The following HHATL variants were observed in gnomAD, a reference collection of about 807,000 sequenced individuals.
The protein encoded by HHATL is protein-cysteine N-palmitoyltransferase HHAT-like protein.
HHATL carries 49 observed loss-of-function variants against 59.7 expected under a neutral mutation model. That is an observed-to-expected ratio of 0.82 (90% CI 0.65 to 1.04). HHATL has a LOEUF of 1.04. Among genes scored for constraint, HHATL ranks in the 50% least tolerant of loss-of-function variants. HHATL has a pLI of 0.00. For synonymous variants in HHATL, 238 were observed against 257.3 expected (o/e 0.93, Z 0.72); for missense variants, 605 against 650.8 (o/e 0.93, Z 0.77).
chr3:42,699,202 G>T (rs1430724096), intron 3 of HHATL, 57 bp from the exon 4 acceptor site: 1 of 1,244,904 alleles, frequency 8.0e-7, no homozygotes, highest in Non-Finnish European at 1.2e-6. Context: ...GAGGGGACAG[G>T]ACGAGCTGGA....
At position 42,699,129 on chromosome 3, in the gene HHATL, T is replaced by G. The variant is rs1274641589; in HGVS notation, c.191A>C (p.Glu64Ala). The G allele has an allele frequency of 1.2e-6, 2 of 1,613,764 alleles. No individual in the cohort carries two copies. The highest frequency in any genetic ancestry group is 1.7e-6 in the Non-Finnish European group (2 of 1,179,864). Reference protein sequence around the residue: ...IGRKMDVADFEWVMWFTSFRN... With the variant: ...IGRKMDVADFAWVMWFTSFRN... ...AAAGGAGGTGAACCACATCACCCAC[T>G]CGAAGTCAGCCACATCCTGGGGCAG... Residue 64 changes from glutamate to alanine, a missense_variant, in exon 4 of 12, where the codon GAG becomes GCG. Transcript: ENST00000441594.
intron 3 of HHATL, 47 bp from the exon 4 acceptor site, chr3:42,699,192 G>A (rs781031568): frequency 3.6e-6 from 5 of 1,385,512 alleles, no homozygotes; most frequent in African/African-American, 1.4e-5. Context: ...GAGGGTGGGA[G>A]AGGGGACAGG....
At chr3:42,695,539 G>A (rs1340272492) in intron 9 of HHATL, among the ~76,000 whole-genome samples, 2 of 152,098 alleles carry the variant, frequency 1.3e-5, no homozygotes, top group Admixed American at 6.6e-5. Flanking sequence ...CTTCTCCCTT[G>A]CTCTGCAAGG....
At chr3:42,693,048 T>C in intron 11 of HHATL, 29 bp downstream of exon 11, 1 of 1,613,068 alleles carries the variant, frequency 6.2e-7, no homozygotes, top group Non-Finnish European at 8.5e-7. Context: ...GCCTGGCACC[T>C]TCTGTATCCC....
chr3:42,699,884 C>T (rs191950207), intron 2 of HHATL, 59 bp from the exon 3 acceptor site: 6 of 1,441,894 alleles, frequency 4.2e-6, no homozygotes, highest in Non-Finnish European at 5.7e-6. Flanking sequence ...CCCACCTTCC[C>T]CCGTGGACAA....
chr3:42,699,255 GTTC>G lies in HHATL; in HGVS notation c.175-113_175-111del, dbSNP rs1351991179. On this transcript the variant is annotated intron_variant, in intron 3 of 11. Coordinates refer to ENST00000441594, the MANE Select transcript of HHATL (RefSeq NM_020707.4). ...CCCCAGCACCTTTCCCAGCCTTCATGTTCTTCTTTTATTATTATCATTTTTAAA... is the reference window on the plus strand; with the variant it reads ...CCCCAGCACCTTTCCCAGCCTTCATGTTCTTTTATTATTATCATTTTTAAA... 9.6e-5 allele frequency: 52 copies of G among 538,924 alleles called. No homozygotes were observed. The South Asian group carries it at 1.9e-3, about 20-fold the overall frequency. The allele number at this position is 538,924 out of a possible 1,614,324, so 33.4% of individuals were successfully genotyped here. A position where few individuals can be genotyped will look rare whatever the true frequency, so the allele number is the denominator to read the frequency against.
chr3:42,693,021 C>T (rs892366147), intron 11 of HHATL, 56 bp downstream of exon 11: 48 of 1,606,198 alleles, frequency 3.0e-5, no homozygotes, highest in Admixed American at 8.4e-5. Context: ...TGGAAGGTCA[C>T]GGTCCTTGAG....
intron 2 of HHATL, 78 bp from the exon 3 acceptor site, chr3:42,699,903 C>A: frequency 1.6e-6 from 2 of 1,239,260 alleles, no homozygotes; most frequent in Non-Finnish European, 1.1e-6. Context: ...AAGGCTGCCC[C>A]ACCCTGGGGA....
Position 42,697,599 on chromosome 3 carries a change from G to C in HHATL, c.774C>G (p.Ile258Met), listed in dbSNP as rs61748826. Reference protein sequence around the residue: ...RAQAGLSVVAIMAVDIFFHFF... With the variant: ...RAQAGLSVVAMMAVDIFFHFF... ...AGTGAAAGAAGATGTCGACGGCCATGATGGCCACCACGCTTAGGCCTGCCT... is the reference window on the plus strand; with the variant it reads ...AGTGAAAGAAGATGTCGACGGCCATCATGGCCACCACGCTTAGGCCTGCCT... The change falls in exon 7 of 12, where the codon ATC (isoleucine) becomes ATG (methionine). Residue 258 changes from isoleucine (I) to methionine (M), a missense_variant. Coordinates refer to ENST00000441594, the MANE Select transcript of HHATL (RefSeq NM_020707.4). The C allele has an allele frequency of 2.7e-5, 43 of 1,614,066 alleles. 1 individual carries two copies. The highest frequency in any genetic ancestry group is 1.1e-4 in the South Asian group (10 of 91,090).
At position 42,693,195 on chromosome 3, in the gene HHATL, G is replaced by C. The variant is rs368835249; in HGVS notation, c.1272C>G (p.Ser424=). ...RIEASLSVQM[S]RRVRALFGAM... ...CTCCAAACAGGGCCCGGACCCTACG[G>C]GACATCTGCACTGACAGAGAGGCCT... Residue 424 remains serine (S), a synonymous_variant, in exon 11 of 12, where the codon TCC becomes TCG. Coordinates refer to ENST00000441594, the MANE Select transcript of HHATL (RefSeq NM_020707.4). 6.2e-7 allele frequency: 1 copy of C among 1,614,034 alleles called. No individual in the cohort carries two copies. Among genetic ancestry groups the C allele is most frequent in the Non-Finnish European group, 8.5e-7 (1 of 1,180,034 alleles).
At chr3:42,698,112 G>A (rs755402162) in intron 6 of HHATL, 30 bp downstream of exon 6, 2 of 1,601,676 alleles carry the variant, frequency 1.2e-6, no homozygotes, top group South Asian at 1.1e-5. Flanking sequence ...ATTCAGCCCT[G>A]TTCTAGAAGC....
chr3:42,697,369 A>G, intron 7 of HHATL, 139 bp downstream of exon 7: 1 of 1,114,768 alleles, frequency 9.0e-7, no homozygotes, highest in South Asian at 1.5e-5. Flanking sequence ...TGCATTAGAA[A>G]GAATAAGCCC....
chr3:42,701,192 T>C lies in HHATL; in HGVS notation c.-13-353A>G, dbSNP rs1697966603. 1 of 240,064 alleles carries C rather than the reference T, an allele frequency of 4.2e-6. No individual in the cohort carries two copies. 14.9% of individuals were successfully genotyped at this position (240,064 alleles called of 1,614,324 possible). A position where few individuals can be genotyped will look rare whatever the true frequency, so the allele number is the denominator to read the frequency against. On this transcript the variant is annotated intron_variant, in intron 1 of 11. Transcript: ENST00000441594. This position sits in a 1 kb window ranked among gnomAD's most constrained non-coding sequence, Gnocchi z 5.1. Reference sequence around the variant, plus strand: ...CGCTCCTGCCAAGGCCCCCATGACCTGCGTGCGGAGAAACCCCACCTCTAT... The same window carrying C: ...CGCTCCTGCCAAGGCCCCCATGACCCGCGTGCGGAGAAACCCCACCTCTAT...
chr3:42,696,489 A>T (rs1339689470), intron 9 of HHATL, among the ~76,000 whole-genome samples: 1 of 152,116 alleles, frequency 6.6e-6, no homozygotes, highest in African/African-American at 2.4e-5. Flanking sequence ...TTGCGACTAT[A>T]CATTTCTTAA....
intron 9 of HHATL, 146 bp from the exon 10 acceptor site, chr3:42,693,964 C>A: frequency 1.6e-6 from 1 of 644,572 alleles, no homozygotes; most frequent in Non-Finnish European, 2.7e-6. Flanking sequence ...GCTCCTCCTC[C>A]AACCAACTTC....
At chr3:42,695,994 C>T (rs1196034923) in intron 9 of HHATL, among the ~76,000 whole-genome samples, 4 of 152,178 alleles carry the variant, frequency 2.6e-5, no homozygotes, top group Non-Finnish European at 5.9e-5. Flanking sequence ...CAGTCCCAGG[C>T]TTCTTCCAGG....
At chr3:42,693,552 A>AAGC in intron 10 of HHATL, 65 bp downstream of exon 10, 1 of 1,393,136 alleles carries the variant, frequency 7.2e-7, no homozygotes, top group South Asian at 1.2e-5. Flanking sequence ...CAACTCCAGA[A>AAGC]AGCAGCAGTG....
Position 42,697,654 on chromosome 3 carries a change from C to G in HHATL, c.719G>C (p.Arg240Pro). 6.2e-7 allele frequency: 1 copy of G among 1,613,854 alleles called. No individual in the cohort carries two copies. Among genetic ancestry groups the G allele is most frequent in the Non-Finnish European group, 8.5e-7 (1 of 1,179,798 alleles). The change falls in exon 7 of 12, where the codon CGC becomes CCC. Residue 240 changes from arginine to proline, a missense_variant. By Grantham distance (103) the Arg-to-Pro change is moderately radical. Transcript: ENST00000441594. ...TCGGATGTGCCACAGCTCACCCTCG[C>G]GTCTCACTGGCTCCACCTGGCTCAC... ...AQVSQVEPVR[R>P]EGELWHIRAQ...
At position 42,692,702 on chromosome 3, in the gene HHATL, T is replaced by A. The variant is rs1348490031; in HGVS notation, c.*49A>T. 4 of 1,613,818 alleles carry A rather than the reference T, an allele frequency of 2.5e-6. No individual in the cohort carries two copies. The highest frequency in any genetic ancestry group is 3.4e-6 in the Non-Finnish European group (4 of 1,179,800). Reference sequence around the variant, plus strand: ...CTTTTATTCTATCGGTCAGGCCCCATCTGGCCCAAGAATAGCTGAGCAGAG... The same window carrying A: ...CTTTTATTCTATCGGTCAGGCCCCAACTGGCCCAAGAATAGCTGAGCAGAG... On this transcript the variant is annotated 3_prime_UTR_variant, in exon 12 of 12. Transcript: ENST00000441594.
Sources: allele counts gnomAD v4.1 joint callset (sites outside exome capture counted in the v4.1 genomes callset), GRCh38; gene constraint gnomAD v4.1.1; non-coding constraint Gnocchi (gnomAD v3.1); transcripts MANE v1.5; gene names NCBI Gene and HGNC (gene_info 2026-07-23, HGNC 2026-07-21).